Variants in SLC4A4 observed in about 807,000 individuals in gnomAD.
SLC4A4 encodes electrogenic sodium bicarbonate cotransporter 1.
Under a neutral mutation model 111.5 loss-of-function variants are expected in SLC4A4, and 27 were observed. The ratio of observed to expected loss-of-function variants is 0.24; its 90% CI spans 0.18 to 0.33. The LOEUF (loss-of-function observed/expected upper bound fraction) is 0.33, where lower values mean the gene tolerates loss of function less well. Ranked by LOEUF, SLC4A4 falls within the 10% of genes least tolerant of loss-of-function variation. The probability of loss-of-function intolerance (pLI) is 1.00; values close to 1 mark genes in which losing one functional copy is unlikely to be tolerated. For missense variants in SLC4A4, 909 were observed against 1,315.5 expected (o/e 0.69, Z 4.78); for synonymous variants, 443 against 463.4 (o/e 0.96, Z 0.57).
In SLC4A4 at chr4:71,100,355, A is replaced by C. The variant is rs367803816; in HGVS notation, c.-2+7563A>C. ...AAACAGAATTAAAGACAAAAAAAAAACACATGATTATCTCAATAGATGCAG... is the reference window on the plus strand; with the variant it reads ...AAACAGAATTAAAGACAAAAAAAAACCACATGATTATCTCAATAGATGCAG... On this transcript the variant is annotated intron_variant, in intron 2 of 26. Transcript: ENST00000649996. Among the ~76,000 whole-genome samples, 600 of 152,050 alleles carry C rather than the reference A, an allele frequency of 3.9e-3. 1 individual carries two copies. The highest frequency in any genetic ancestry group is 5.8e-3 in the African/African-American group (239 of 41,436).
intron 14 of SLC4A4, among the ~76,000 whole-genome samples, chr4:71,476,842 A>G (rs1224006961): frequency 6.6e-6 from 1 of 151,820 alleles, no homozygotes; most frequent in Non-Finnish European, 1.5e-5. Flanking sequence ...GTGAGTGGAT[A>G]CATGCCATAC....
intron 2 of SLC4A4, among the ~76,000 whole-genome samples, chr4:71,245,903 C>T (rs776827442): frequency 9.2e-5 from 14 of 152,012 alleles, no homozygotes; most frequent in Non-Finnish European, 1.9e-4. Context: ...CCTCTGAGGC[C>T]GAGAAGAGGG....
At chr4:71,508,170 A>G (rs1406986942) in intron 16 of SLC4A4, among the ~76,000 whole-genome samples, 1 of 152,162 alleles carries the variant, frequency 6.6e-6, no homozygotes, top group Non-Finnish European at 1.5e-5. Context: ...CATCACAGCT[A>G]AAAGAACTGG....
chr4:71,469,149 A>G (rs1727643947), intron 13 of SLC4A4, among the ~76,000 whole-genome samples: 1 of 151,972 alleles, frequency 6.6e-6, no homozygotes. Context: ...ATTTTTACAC[A>G]TTTTATCACA....
Position 71,555,124 on chromosome 4 carries a change from A to AT in SLC4A4, c.2695-9dup. 7 of 1,572,422 alleles carry AT rather than the reference A, an allele frequency of 4.5e-6. No individual in the cohort carries two copies. The highest frequency in any genetic ancestry group is 1.1e-5 in the South Asian group (1 of 90,184). On this transcript the variant is annotated splice_polypyrimidine_tract_variant and intron_variant, in intron 20 of 25. Transcript: ENST00000264485. ...TTGTTATCATTTTTAAGTTGTATCCATTTTTTTCCTTCTAGTTTATACCCA... is the reference window on the plus strand; with the variant it reads ...TTGTTATCATTTTTAAGTTGTATCCATTTTTTTTCCTTCTAGTTTATACCCA...
intron 21 of SLC4A4, among the ~76,000 whole-genome samples, chr4:71,556,549 G>A (rs1290247392): frequency 2.0e-5 from 3 of 151,930 alleles, no homozygotes; most frequent in South Asian, 2.1e-4. Context: ...ACATAATAAT[G>A]ATGGGGAAAA....
intron 3 of SLC4A4, among the ~76,000 whole-genome samples, chr4:71,333,645 A>G (rs948652117): frequency 6.6e-6 from 1 of 152,196 alleles, no homozygotes; most frequent in Admixed American, 6.5e-5. Context: ...GCAGGTACAG[A>G]AATGCCATGC....
At chr4:71,407,334 G>C (rs778712145) in intron 7 of SLC4A4, among the ~76,000 whole-genome samples, 2 of 152,142 alleles carry the variant, frequency 1.3e-5, no homozygotes, top group Non-Finnish European at 2.9e-5. Context: ...TGATACTCTG[G>C]ATGTCATTGG....
chr4:71,498,608 T>C (rs1183839666), intron 16 of SLC4A4, among the ~76,000 whole-genome samples: 1 of 152,168 alleles, frequency 6.6e-6, no homozygotes, highest in African/African-American at 2.4e-5. Flanking sequence ...TATATTTACT[T>C]TCACCTAGAA....
At chr4:71,448,346 G>A (rs184029684) in intron 9 of SLC4A4, among the ~76,000 whole-genome samples, 64 of 150,596 alleles carry the variant, frequency 4.2e-4, no homozygotes, top group African/African-American at 1.4e-3. Flanking sequence ...AAAGGTTCAA[G>A]GTCATTGTAT....
intron 15 of SLC4A4, among the ~76,000 whole-genome samples, chr4:71,496,718 C>A (rs763252505): frequency 1.3e-4 from 19 of 151,946 alleles, no homozygotes; most frequent in Non-Finnish European, 2.5e-4. Flanking sequence ...AAAATAGGAA[C>A]AAGAGTGAGC....
At chr4:71,300,591 G>A in intron 3 of SLC4A4, 1 of 278,318 alleles carries the variant, frequency 3.6e-6, no homozygotes, top group Non-Finnish European at 7.4e-6. Flanking sequence ...GAAGTGCCAG[G>A]GGCAGCTGCC....
intron 3 of SLC4A4, among the ~76,000 whole-genome samples, chr4:71,297,675 C>T (rs1249543112): frequency 1.3e-5 from 2 of 151,224 alleles, no homozygotes; most frequent in Non-Finnish European, 2.9e-5. Flanking sequence ...GCAACCTCCG[C>T]CTCCGAGGTT....
chr4:71,518,016 T>G (rs544106254), intron 16 of SLC4A4, among the ~76,000 whole-genome samples: 11 of 151,928 alleles, frequency 7.2e-5, no homozygotes, highest in African/African-American at 2.4e-4. Context: ...GTTCAAGGAG[T>G]CTTCCTGGCT....
At chr4:71,078,696 A>G (rs1400447380) in intron 1 of SLC4A4, among the ~76,000 whole-genome samples, 1 of 152,190 alleles carries the variant, frequency 6.6e-6, no homozygotes, top group Non-Finnish European at 1.5e-5. Context: ...GTAGAACCCC[A>G]TCTGAGTGCT....
At chr4:71,543,767 G>T (rs940176829) in intron 18 of SLC4A4, among the ~76,000 whole-genome samples, 1 of 151,942 alleles carries the variant, frequency 6.6e-6, no homozygotes, top group Non-Finnish European at 1.5e-5. Context: ...TACCCTGCTG[G>T]TACTTCTAAT....
chr4:71,480,020 CT>C (rs34425929), intron 14 of SLC4A4, among the ~76,000 whole-genome samples: 1,769 of 127,374 alleles, frequency 0.014, 33 homozygotes, highest in African/African-American at 0.023. Flanking sequence ...ATATGCCCAT[CT>C]TTTTTTTTTT....
chr4:71,305,256 G>A (rs1408389119), intron 3 of SLC4A4, among the ~76,000 whole-genome samples: 5 of 152,188 alleles, frequency 3.3e-5, no homozygotes, highest in Admixed American at 1.3e-4. Context: ...TTTTCAGTTA[G>A]ATTTAAGTTC....
At chr4:71,280,881 T>C (rs1723459578) in intron 3 of SLC4A4, among the ~76,000 whole-genome samples, 1 of 152,228 alleles carries the variant, frequency 6.6e-6, no homozygotes, top group Non-Finnish European at 1.5e-5. Context: ...CATTTATTTT[T>C]CACCTAAATA....
Sources: allele counts gnomAD v4.1 joint callset (sites outside exome capture counted in the v4.1 genomes callset), GRCh38; gene constraint gnomAD v4.1.1; transcripts MANE v1.5; gene names NCBI Gene and HGNC (gene_info 2026-07-23, HGNC 2026-07-21).